REV3L: variants seen among roughly 807,000 people sequenced by gnomAD.
The protein encoded by REV3L is DNA polymerase zeta catalytic subunit.
Under a neutral mutation model 299.4 loss-of-function variants are expected in REV3L, and 69 were observed. The ratio of observed to expected loss-of-function variants is 0.23; its 90% CI spans 0.19 to 0.28. The LOEUF (loss-of-function observed/expected upper bound fraction) is 0.28. Among genes scored for constraint, REV3L ranks in the 10% least tolerant of loss-of-function variants. The pLI, the probability that REV3L is intolerant of heterozygous loss-of-function variation, is 1.00. For synonymous variants in REV3L, 1,238 were observed against 1,271.4 expected (o/e 0.97, Z 0.56); for missense variants, 3,128 against 3,693.8 (o/e 0.85, Z 3.97).
chr6:111,434,901 C>G (rs1345345598), intron 1 of REV3L, among the ~76,000 whole-genome samples: 1 of 151,918 alleles, frequency 6.6e-6, no homozygotes, highest in Non-Finnish European at 1.5e-5. Flanking sequence ...TTAGAAGAAC[C>G]AATATTGTTA....
rs1026549828 is a variant in REV3L at position 111,309,788 on chromosome 6, T to G, written c.9042+65A>C. ...ATCAATAGCACATAAAACCTTTAGTTCTACTGAAAATTTGGAGTGAAATCT... is the reference window on the plus strand; with the variant it reads ...ATCAATAGCACATAAAACCTTTAGTGCTACTGAAAATTTGGAGTGAAATCT... On this transcript the variant is annotated intron_variant, in intron 30 of 31. Coordinates refer to ENST00000368802, the MANE Select transcript of REV3L (RefSeq NM_001372078.1). 2.8e-5 allele frequency: 44 copies of G among 1,548,984 alleles called. 1 individual carries two copies. Among genetic ancestry groups the G allele is most frequent in the South Asian group, 2.2e-4 (18 of 80,020 alleles).
At chr6:111,452,691 T>C (rs779844933) in intron 1 of REV3L, among the ~76,000 whole-genome samples, 6 of 152,158 alleles carry the variant, frequency 3.9e-5, no homozygotes, top group Non-Finnish European at 8.8e-5. Context: ...TTTAGGGTGA[T>C]AGAAATATTT....
intron 1 of REV3L, chr6:111,430,945 A>G: frequency 6.3e-7 from 1 of 1,589,330 alleles, no homozygotes; most frequent in Non-Finnish European, 8.6e-7. Context: ...TGGGAATGAC[A>G]ACTGGAAGAC....
At chr6:111,333,482 T>TC (rs1373989235) in intron 22 of REV3L, 115 bp from the exon 23 acceptor site, 2 of 1,349,936 alleles carry the variant, frequency 1.5e-6, no homozygotes, top group East Asian at 5.0e-5. Context: ...TATGACTTTT[T>TC]TTTTTTTTTG....
intron 18 of REV3L, among the ~76,000 whole-genome samples, chr6:111,355,850 G>GA (rs1282900910): frequency 6.6e-6 from 1 of 152,104 alleles, no homozygotes; most frequent in Non-Finnish European, 1.5e-5. Flanking sequence ...GAAGATAAAA[G>GA]GTAGGACTGA....
intron 5 of REV3L, among the ~76,000 whole-genome samples, chr6:111,391,659 T>C (rs1329051877): frequency 6.6e-6 from 1 of 152,244 alleles, no homozygotes; most frequent in Non-Finnish European, 1.5e-5. Context: ...CTGCGCTTGG[T>C]GGCTCATGAA....
chr6:111,388,858 G>A (rs1235548167), intron 7 of REV3L, among the ~76,000 whole-genome samples: 1 of 152,090 alleles, frequency 6.6e-6, no homozygotes, highest in African/African-American at 2.4e-5. Context: ...TGAGGCAAGA[G>A]GACAAGGTAC....
intron 9 of REV3L, among the ~76,000 whole-genome samples, chr6:111,383,799 C>T (rs550708651): frequency 4.6e-5 from 7 of 152,050 alleles, no homozygotes; most frequent in African/African-American, 1.7e-4. Context: ...TCCCGAATAA[C>T]CAAAGCTACT....
In REV3L at chr6:111,387,656, T is replaced by C. The variant is rs1781479862; in HGVS notation, c.1096+109A>G. On this transcript the variant is annotated intron_variant, in intron 9 of 31. Coordinates refer to ENST00000368802, the MANE Select transcript of REV3L (RefSeq NM_001372078.1). ...GGAGAAATTTTTGCTATATCCACAA[T>C]ATTTATTTCATAGGGAAAAAAATCC... 14 of 1,091,894 alleles carry C rather than the reference T, an allele frequency of 1.3e-5. No individual in the cohort carries two copies. The East Asian group carries it at 3.3e-4, about 26-fold the overall frequency. The allele number at this position is 1,091,894 out of a possible 1,614,324, so 67.6% of individuals were successfully genotyped here. A position where few individuals can be genotyped will look rare whatever the true frequency, so the allele number is the denominator to read the frequency against.
chr6:111,365,839 A>G (rs1779134954), intron 14 of REV3L, among the ~76,000 whole-genome samples: 3 of 152,204 alleles, frequency 2.0e-5, no homozygotes, highest in Admixed American at 2.0e-4. Flanking sequence ...AACTAAGAAC[A>G]GAGTGGGGAT....
At chr6:111,337,701 T>C (rs78949451) in intron 21 of REV3L, among the ~76,000 whole-genome samples, 3,737 of 152,298 alleles carry the variant, frequency 0.025, 60 homozygotes, top group Admixed American at 0.065. Context: ...ATGAGTTTGA[T>C]AGACAAAAAA....
intron 9 of REV3L, among the ~76,000 whole-genome samples, chr6:111,382,338 T>C (rs1293999585): frequency 6.6e-6 from 1 of 152,180 alleles, no homozygotes; most frequent in Non-Finnish European, 1.5e-5. Flanking sequence ...CGTGAATTGC[T>C]GACAGCACCT....
chr6:111,309,931 C>T lies in REV3L; in HGVS notation c.8964G>A (p.Lys2988=). Reference sequence around the variant, plus strand: ...TTCTTGCCAAGGGTGGAAGGATTTGCTTGGTAATATAGTAAGTAGCATTCA... The same window carrying T: ...TTCTTGCCAAGGGTGGAAGGATTTGTTTGGTAATATAGTAAGTAGCATTCA... ...LRLNATYYIT[K]QILPPLARIF... Residue 2988 remains lysine, a synonymous_variant, in exon 30 of 32, where the codon AAG becomes AAA. Transcript: ENST00000368802. 6.2e-7 allele frequency: 1 copy of T among 1,614,026 alleles called. No individual in the cohort carries two copies. Among genetic ancestry groups the T allele is most frequent in the Non-Finnish European group, 8.5e-7 (1 of 1,179,970 alleles).
intron 4 of REV3L, among the ~76,000 whole-genome samples, chr6:111,395,759 C>A (rs1699319584): frequency 6.6e-6 from 1 of 152,088 alleles, no homozygotes; most frequent in Non-Finnish European, 1.5e-5. Context: ...GGCATCCTGT[C>A]TTCTTCTAGT....
At chr6:111,419,302 A>G (rs370059001) in intron 1 of REV3L, among the ~76,000 whole-genome samples, 34 of 152,392 alleles carry the variant, frequency 2.2e-4, no homozygotes, top group African/African-American at 7.9e-4. Flanking sequence ...AGAAAATGAA[A>G]GAAACAGGAT....
intron 23 of REV3L, among the ~76,000 whole-genome samples, chr6:111,332,578 T>C (rs1166947075): frequency 6.9e-6 from 1 of 144,768 alleles, no homozygotes; most frequent in East Asian, 1.9e-4. Flanking sequence ...AACCAACACA[T>C]GATCTCAAAT....
At chr6:111,481,566 G>C (rs796580212) in intron 1 of REV3L, among the ~76,000 whole-genome samples, 2 of 152,186 alleles carry the variant, frequency 1.3e-5, no homozygotes, top group African/African-American at 2.4e-5. Flanking sequence ...GTTTGGGAAA[G>C]CGCTATTATC....
At chr6:111,325,711 A>G (rs1774713709) in intron 25 of REV3L, among the ~76,000 whole-genome samples, 1 of 152,214 alleles carries the variant, frequency 6.6e-6, no homozygotes, top group Admixed American at 6.5e-5. Context: ...CAGGCAGACA[A>G]TGTGTAATGA....
At chr6:111,406,146 T>C (rs1156951188) in intron 3 of REV3L, among the ~76,000 whole-genome samples, 1 of 152,100 alleles carries the variant, frequency 6.6e-6, no homozygotes, top group Admixed American at 6.6e-5. Flanking sequence ...ACTAAACAGA[T>C]AGAGGTACAG....
Sources: allele counts gnomAD v4.1 joint callset (sites outside exome capture counted in the v4.1 genomes callset), GRCh38; gene constraint gnomAD v4.1.1; transcripts MANE v1.5; gene names NCBI Gene and HGNC (gene_info 2026-07-23, HGNC 2026-07-21).